ABLIM1: variants seen among roughly 807,000 people sequenced by gnomAD.
ABLIM1 encodes the protein actin binding LIM protein 1.
Under a neutral mutation model 107.0 loss-of-function variants are expected in ABLIM1, and 40 were observed. The observed-to-expected ratio is 0.37, with a 90% CI of 0.29 to 0.49. The LOEUF (loss-of-function observed/expected upper bound fraction) is 0.49. ABLIM1 is among the 20% of genes least tolerant of loss of function. ABLIM1 has a pLI of 0.97. For missense variants in ABLIM1, 857 were observed against 1,008.5 expected (o/e 0.85, Z 2.04); for synonymous variants, 357 against 357.3 (o/e 1.00, Z 0.01).
chr10:114,797,220 A>G, the ABLIM1 span, among the ~76,000 whole-genome samples: 1 of 152,124 alleles, frequency 6.6e-6, no homozygotes, highest in Non-Finnish European at 1.5e-5. Flanking sequence ...TTTCCACTTC[A>G]TATTAGATTT....
intron 4 of ABLIM1, among the ~76,000 whole-genome samples, chr10:114,562,157 T>C (rs1328808006): frequency 6.6e-6 from 1 of 152,182 alleles, no homozygotes; most frequent in East Asian, 1.9e-4. Context: ...TCCCTATATG[T>C]TCAGAAAAGT....
chr10:114,542,467 T>C (rs368505339), intron 6 of ABLIM1, among the ~76,000 whole-genome samples: 165 of 106,890 alleles, frequency 1.5e-3, no homozygotes, highest in African/African-American at 5.4e-3. Flanking sequence ...AAGAAGATGA[T>C]GATGAAGAAG....
intron 4 of ABLIM1, among the ~76,000 whole-genome samples, chr10:114,568,284 C>A (rs913522855): frequency 6.6e-6 from 1 of 150,822 alleles, no homozygotes; most frequent in African/African-American, 2.4e-5. Flanking sequence ...CTAGGGCATG[C>A]GGGACTTAAT....
At chr10:114,588,487 C>CTTTTTTTTTTTTTTTTTTTT (rs34043960) in intron 2 of ABLIM1, among the ~76,000 whole-genome samples, 13 of 76,540 alleles carry the variant, frequency 1.7e-4, no homozygotes, top group Non-Finnish European at 2.3e-4. Context: ...TTCTTTCTTT[C>CTTTTTTTTTTTTTTTTTTTT]TTTTTTTTTT....
intron 8 of ABLIM1, among the ~76,000 whole-genome samples, chr10:114,486,939 C>T (rs2058279513): frequency 6.6e-6 from 1 of 152,098 alleles, no homozygotes; most frequent in Non-Finnish European, 1.5e-5. Flanking sequence ...AGCAAACACA[C>T]TAGGAAAATA....
intron 1 of ABLIM1, among the ~76,000 whole-genome samples, chr10:114,631,562 G>A (rs1278781646): frequency 6.6e-6 from 1 of 152,092 alleles, no homozygotes; most frequent in Non-Finnish European, 1.5e-5. Flanking sequence ...GGTGGGGCGT[G>A]GTGGTAAGAG....
intron 4 of ABLIM1, among the ~76,000 whole-genome samples, chr10:114,560,383 G>A (rs998786626): frequency 5.9e-5 from 9 of 152,340 alleles, no homozygotes; most frequent in South Asian, 4.1e-4. Context: ...CATACATGAC[G>A]GTAGTCCCAT....
At chr10:114,443,926 G>T in intron 17 of ABLIM1, 103 bp downstream of exon 17, 2 of 896,842 alleles carry the variant, frequency 2.2e-6, no homozygotes, top group Non-Finnish European at 3.4e-6. Context: ...CCTTTCCCGT[G>T]GAATACTCTG....
chr10:114,773,492 T>G, the ABLIM1 span, among the ~76,000 whole-genome samples: 3 of 152,060 alleles, frequency 2.0e-5, no homozygotes, highest in Admixed American at 6.6e-5. Context: ...GAGGCCAAGG[T>G]GGGTGGATCA....
chr10:114,674,828 G>T (rs1048078381), intron 1 of ABLIM1, among the ~76,000 whole-genome samples: 1 of 151,500 alleles, frequency 6.6e-6, no homozygotes, highest in Non-Finnish European at 1.5e-5. Flanking sequence ...GTCATGAAGA[G>T]ACTAGAAAAA....
At chr10:114,662,081 G>T (rs1374588082), upstream of ABLIM1, among the ~76,000 whole-genome samples, 1 of 152,112 alleles carries the variant, frequency 6.6e-6, no homozygotes, top group Non-Finnish European at 1.5e-5. Flanking sequence ...TAAATCATCT[G>T]CTAGGATCTA....
intron 6 of ABLIM1, among the ~76,000 whole-genome samples, chr10:114,495,372 G>A (rs1246695716): frequency 6.6e-6 from 1 of 152,104 alleles, no homozygotes; most frequent in Non-Finnish European, 1.5e-5. Flanking sequence ...GTAAAGTAGA[G>A]ATGATGATGG....
intron 1 of ABLIM1, among the ~76,000 whole-genome samples, chr10:114,627,756 C>A (rs1044515135): frequency 6.6e-6 from 1 of 152,178 alleles, no homozygotes; most frequent in Admixed American, 6.5e-5. Flanking sequence ...TTATTTGAAG[C>A]ATCTGTTTCT....
intron 8 of ABLIM1, among the ~76,000 whole-genome samples, chr10:114,487,265 G>A (rs975790181): frequency 6.6e-6 from 1 of 152,176 alleles, no homozygotes; most frequent in African/African-American, 2.4e-5. Context: ...GTACCACTAA[G>A]TTAGGTTAAC....
At chr10:114,727,369 A>G (rs967292510) in intron 1 of ABLIM1, among the ~76,000 whole-genome samples, 1 of 152,244 alleles carries the variant, frequency 6.6e-6, no homozygotes, top group African/African-American at 2.4e-5. Flanking sequence ...TGTGAAACAA[A>G]TGCAAAAAAG....
intron 1 of ABLIM1, among the ~76,000 whole-genome samples, chr10:114,676,244 C>T (rs983676935): frequency 6.6e-6 from 1 of 152,080 alleles, no homozygotes; most frequent in Non-Finnish European, 1.5e-5. Flanking sequence ...TTTGGGAGGC[C>T]GAGGTGGGTG....
chr10:114,580,219 A>T (rs938470354), intron 2 of ABLIM1, among the ~76,000 whole-genome samples: 17 of 147,898 alleles, frequency 1.1e-4, no homozygotes, highest in South Asian at 2.1e-4. Flanking sequence ...ATATATATAT[A>T]TTTTTTAGAC....
chr10:114,774,669 T>C, the ABLIM1 span, among the ~76,000 whole-genome samples: 1 of 152,020 alleles, frequency 6.6e-6, no homozygotes, highest in Non-Finnish European at 1.5e-5. Flanking sequence ...AACAGAGTAA[T>C]AAGTAATCTA....
chr10:114,680,098 T>A (rs1326143488), intron 1 of ABLIM1, among the ~76,000 whole-genome samples: 1 of 152,188 alleles, frequency 6.6e-6, no homozygotes, highest in African/African-American at 2.4e-5. Context: ...CTTGGATTCA[T>A]AGCACTGTTC....
Sources: gnomAD v4.1 joint callset for allele counts (sites outside exome capture counted in the v4.1 genomes callset) on GRCh38, gnomAD v4.1.1 for gene constraint, MANE v1.5 for transcripts, NCBI Gene and HGNC (gene_info 2026-07-23, HGNC 2026-07-21) for gene names.